The following PMS2 variants were observed in gnomAD, a reference collection of about 807,000 sequenced individuals.
PMS2 encodes the protein PMS1 homolog 2, mismatch repair system component.
PMS2 carries 69 observed loss-of-function variants against 90.0 expected under a neutral mutation model. The ratio of observed to expected loss-of-function variants is 0.77; its 90% CI spans 0.63 to 0.94. The LOEUF is 0.94. PMS2 is among the 40% of genes least tolerant of loss of function. The pLI, the probability that PMS2 is intolerant of heterozygous loss-of-function variation, is 0.00. For missense variants in PMS2, 966 were observed against 1,040.2 expected, an observed-to-expected ratio of 0.93 and a Z score of 0.98; for synonymous variants, 332 against 375.1, an observed-to-expected ratio of 0.89 and a Z score of 1.33.
chr7:6,004,281 T>G, intron 2 of PMS2: 1 of 427,024 alleles, frequency 2.3e-6, no homozygotes, highest in Non-Finnish European at 4.2e-6. Flanking sequence ...TCTTTTTTTT[T>G]CCCTAGGCTA....
intron 8 of PMS2, 51 bp from the exon 9 acceptor site, chr7:5,992,108 C>T (rs770133004): frequency 5.3e-6 from 5 of 937,696 alleles, no homozygotes; most frequent in Non-Finnish European, 8.8e-6. Flanking sequence ...TGTTCCCAGC[C>T]CCCCGCATTC....
intron 1 of PMS2, 108 bp downstream of exon 1, chr7:6,008,889 G>A (rs749615873): frequency 1.9e-4 from 264 of 1,388,354 alleles, no homozygotes; most frequent in Non-Finnish European, 2.6e-4. Flanking sequence ...GGGCTGCCTC[G>A]CCACGCGCCT....
In PMS2 at chr7:5,989,833, T is replaced by C. The variant is rs1217473969; in HGVS notation, c.1111A>G (p.Asn371Asp). Residue 371 changes from asparagine (N) to aspartate (D), a missense_variant, in exon 10 of 15, where the codon AAT (asparagine) becomes GAT (aspartate). Around this residue, in one of 2 missense-constraint regions of PMS2, gnomAD observed 871 missense variants for 802.4 expected, o/e 1.09. Transcript: ENST00000265849. Reference protein sequence around the residue: ...GMFDSDVNKLNVSQQPLLDVE... With the variant: ...GMFDSDVNKLDVSQQPLLDVE... ...TCCAGCAGTGGCTGCTGACTGACAT[T>C]TAGCTTGTTGACATCACTATCAAAC... 6.8e-6 allele frequency: 11 copies of C among 1,613,136 alleles called. No individual in the cohort carries two copies. The South Asian group carries it at 1.1e-4, about 16-fold the overall frequency.
At chr7:5,976,070 C>T (rs1409328033) in intron 14 of PMS2, among the ~76,000 whole-genome samples, 1 of 144,666 alleles carries the variant, frequency 6.9e-6, no homozygotes, top group East Asian at 2.8e-4. Flanking sequence ...GAAACCCCAT[C>T]TCTATTAAAA....
chr7:6,007,856 A>ATT (rs144545311), intron 1 of PMS2, among the ~76,000 whole-genome samples: 3 of 126,586 alleles, frequency 2.4e-5, no homozygotes, highest in Admixed American at 8.3e-5. Flanking sequence ...TCCACTTCTG[A>ATT]TTTTTTTTTT....
chr7:5,995,659 C>G (rs769228383), intron 7 of PMS2, 26 bp from the exon 8 acceptor site: 1 of 1,470,754 alleles, frequency 6.8e-7, no homozygotes, highest in Non-Finnish European at 9.5e-7. Flanking sequence ...ATGGTAAGGG[C>G]AGGATTCCAG....
intron 5 of PMS2, among the ~76,000 whole-genome samples, chr7:5,999,738 G>A (rs1784888542): frequency 6.6e-6 from 1 of 152,008 alleles, no homozygotes; most frequent in African/African-American, 2.4e-5. Flanking sequence ...CAAGGCTGCA[G>A]TGAGCCATGA....
At chr7:6,003,306 GAT>G (rs10595058) in intron 4 of PMS2, 28,110 of 138,168 alleles carry the variant, frequency 0.2, 2,919 homozygotes, top group Middle Eastern at 0.33. Context: ...AAAAAAAAAA[GAT>G]ATATATATAT....
At chr7:5,989,467 C>T (rs1468276590) in intron 10 of PMS2, among the ~76,000 whole-genome samples, 1 of 151,850 alleles carries the variant, frequency 6.6e-6, no homozygotes, top group Non-Finnish European at 1.5e-5. Context: ...GTTAAAAATG[C>T]AGTCACTGCA....
chr7:5,997,425 TGAA>T lies in PMS2; in HGVS notation c.706-5_706-3del. On this transcript the variant is annotated splice_region_variant and splice_polypyrimidine_tract_variant and intron_variant, in intron 6 of 14. Transcript: ENST00000265849. ...AACAAAAGGAATGAGGCTTTGCAACTGAAAAAAAAAAAAAAAAATTCACAGTTA... is the reference window on the plus strand; with the variant it reads ...AACAAAAGGAATGAGGCTTTGCAACTAAAAAAAAAAAAAAATTCACAGTTA... 1.4e-6 allele frequency: 2 copies of T among 1,424,082 alleles called. No homozygotes were observed. Among genetic ancestry groups the T allele is most frequent in the Non-Finnish European group, 9.5e-7 (1 of 1,050,698 alleles). 88.2% of individuals were successfully genotyped at this position (1,424,082 alleles called of 1,614,324 possible).
intron 11 of PMS2, 80 bp downstream of exon 11, chr7:5,986,679 A>T (rs566964595): frequency 8.8e-7 from 1 of 1,136,738 alleles, no homozygotes; most frequent in South Asian, 1.6e-5. Context: ...GCAACAGAGC[A>T]AGACTCTGTC....
At chr7:5,976,928 G>C (rs1781726000) in intron 14 of PMS2, among the ~76,000 whole-genome samples, 1 of 127,152 alleles carries the variant, frequency 7.9e-6, no homozygotes, top group Non-Finnish European at 1.7e-5. Context: ...CTACTTGGGA[G>C]ACAGAGAGAG....
Position 5,972,693 on chromosome 7 carries a change from C to A in PMS2, c.*706G>T, listed in dbSNP as rs1781411003. Among the ~76,000 whole-genome samples the A allele has an allele frequency of 1.2e-5, 1 of 86,872 alleles. No homozygotes were observed. The highest frequency in any genetic ancestry group is 5.7e-5 in the African/African-American group (1 of 17,620). 57.0% of individuals were successfully genotyped at this position (86,872 alleles called of 152,430 possible). On this transcript the variant is annotated 3_prime_UTR_variant, in exon 15 of 15. Coordinates refer to ENST00000265849, the MANE Select transcript of PMS2 (RefSeq NM_000535.7). Reference sequence around the variant, plus strand: ...GTGAATCAGGGCTGAGAATCACTAACTGAAAAGGACCCTACTTTTAAATTT... The same window carrying A: ...GTGAATCAGGGCTGAGAATCACTAAATGAAAAGGACCCTACTTTTAAATTT...
In PMS2 at chr7:5,988,050, C is replaced by G. The variant is rs1257081501; in HGVS notation, c.1145-430G>C. ...CCTGGGTGACAGAGCAACACTCTGT[C>G]TCAAAAAAAAAAAAAAAAAAAAAAA... On this transcript the variant is annotated intron_variant, in intron 10 of 14. Transcript: ENST00000265849. Among the ~76,000 whole-genome samples, 7 of 66,630 alleles carry G rather than the reference C, an allele frequency of 1.1e-4. No individual in the cohort carries two copies. In the Admixed American group the frequency reaches 1.3e-3, roughly 12 times the overall value. 43.7% of individuals were successfully genotyped at this position (66,630 alleles called of 152,430 possible). A position where few individuals can be genotyped will look rare whatever the true frequency, so the allele number is the denominator to read the frequency against.
intron 4 of PMS2, 57 bp from the exon 5 acceptor site, chr7:6,002,693 T>G (rs1785243120): frequency 2.3e-5 from 30 of 1,310,836 alleles, no homozygotes; most frequent in Non-Finnish European, 3.3e-5. Context: ...TGTTGGGCAC[T>G]GACTACTCTT....
intron 8 of PMS2, among the ~76,000 whole-genome samples, chr7:5,993,849 C>T (rs180914892): frequency 0.031 from 3,231 of 102,774 alleles, 76 homozygotes; most frequent in Middle Eastern, 0.25. Context: ...GGTGACAGAG[C>T]GAGACTCTGT....
intron 12 of PMS2, 64 bp downstream of exon 12, chr7:5,982,760 C>T (rs2128701528): frequency 6.2e-7 from 1 of 1,610,722 alleles, no homozygotes; most frequent in Non-Finnish European, 8.5e-7. Flanking sequence ...GATCCTCCTG[C>T]CTTGGCCTCT....
intron 9 of PMS2, among the ~76,000 whole-genome samples, chr7:5,990,325 T>C (rs1052825018): frequency 3.3e-5 from 5 of 152,204 alleles, no homozygotes; most frequent in African/African-American, 1.2e-4. Flanking sequence ...CTTTTAACAA[T>C]AGAAATTTCC....
At chr7:5,995,675 AAGGGATT>A (rs1376950595) in intron 7 of PMS2, 42 bp from the exon 8 acceptor site, 1 of 1,311,756 alleles carries the variant, frequency 7.6e-7, no homozygotes, top group African/African-American at 1.4e-5. Flanking sequence ...TCCAGAGTGA[AAGGGATT>A]AGAAATACGA....
Sources: gnomAD v4.1 joint callset for allele counts (sites outside exome capture counted in the v4.1 genomes callset) on GRCh38, gnomAD v4.1.1 for gene constraint, gnomAD v4.1.1 regional missense constraint, MANE v1.5 for transcripts, NCBI Gene and HGNC (gene_info 2026-07-23, HGNC 2026-07-21) for gene names.